Variants in BCAS3 observed in about 807,000 individuals in gnomAD.
BCAS3 encodes BCAS4/BCAS3 fusion.
BCAS3 carries 53 observed loss-of-function variants against 116.1 expected under a neutral mutation model. The ratio of observed to expected loss-of-function variants is 0.46; its 90% CI spans 0.37 to 0.57. The LOEUF (loss-of-function observed/expected upper bound fraction) is 0.57. BCAS3 is among the 20% of genes least tolerant of loss of function. BCAS3 has a pLI of 0.00. For missense variants in BCAS3, 917 were observed against 1,165.4 expected (o/e 0.79, Z 3.10); for synonymous variants, 391 against 408.2 (o/e 0.96, Z 0.51).
chr17:60,732,980 A>G (rs1263872223), intron 5 of BCAS3, among the ~76,000 whole-genome samples: 1 of 152,204 alleles, frequency 6.6e-6, no homozygotes, highest in African/African-American at 2.4e-5. Flanking sequence ...CATTATGCTA[A>G]ATAACATTAA....
At chr17:60,920,712 C>T (rs1273220885) in intron 12 of BCAS3, among the ~76,000 whole-genome samples, 1 of 151,928 alleles carries the variant, frequency 6.6e-6, no homozygotes, top group Non-Finnish European at 1.5e-5. Context: ...CTACTAAAAA[C>T]ACAAAAAATT....
rs1362856944 is a variant in BCAS3, at chr17:61,068,688, T to C, written c.2030-6232T>C. ...TTGAAGACATAAGTTTTCACCGCCATTGGTCCCTAAAACTTCTTCTGGGAT... is the reference window on the plus strand; with the variant it reads ...TTGAAGACATAAGTTTTCACCGCCACTGGTCCCTAAAACTTCTTCTGGGAT... On this transcript the variant is annotated intron_variant, in intron 19 of 23. Transcript: ENST00000407086. This position sits in a 1 kb window ranked among gnomAD's most constrained non-coding sequence, Gnocchi z 4.3. Among the ~76,000 whole-genome samples, 1 of 152,190 alleles carries C rather than the reference T, an allele frequency of 6.6e-6. No individual in the cohort carries two copies. Among genetic ancestry groups the C allele is most frequent in the East Asian group, 1.9e-4 (1 of 5,198 alleles).
At chr17:60,835,930 G>A (rs996659169) in intron 7 of BCAS3, among the ~76,000 whole-genome samples, 13 of 152,042 alleles carry the variant, frequency 8.6e-5, no homozygotes, top group Non-Finnish European at 1.6e-4. Context: ...TATGTCTCCT[G>A]AATTTCTCAT....
chr17:61,238,900 G>C (rs1354722587), intron 22 of BCAS3, among the ~76,000 whole-genome samples: 1 of 152,096 alleles, frequency 6.6e-6, no homozygotes, highest in Non-Finnish European at 1.5e-5. Flanking sequence ...TCAGGGCCCT[G>C]AGGCTAACCT....
chr17:60,785,926 T>C (rs1259725414), intron 6 of BCAS3, among the ~76,000 whole-genome samples: 1 of 152,142 alleles, frequency 6.6e-6, no homozygotes, highest in Non-Finnish European at 1.5e-5. Flanking sequence ...GTAATAACCA[T>C]TTACATAGCA....
rs2058736245 is a variant in BCAS3 at position 61,366,414 on chromosome 17, G to A, written c.2426-1913G>A. On this transcript the variant is annotated intron_variant, in intron 22 of 23. Coordinates refer to ENST00000407086, the MANE Select transcript of BCAS3 (RefSeq NM_017679.5). The surrounding 1 kb of genome is among the most constrained non-coding windows in gnomAD (Gnocchi z 4.5). ...AAGGACTGGCTGTGCATCATGCAGT[G>A]AGTCGGCAGCAGAATCAGAAGCTTA... Among the ~76,000 whole-genome samples the A allele has an allele frequency of 6.6e-6, 1 of 152,238 alleles. No individual in the cohort carries two copies. The highest frequency in any genetic ancestry group is 1.5e-5 in the Non-Finnish European group (1 of 68,036).
chr17:60,689,775 T>A lies in BCAS3; in HGVS notation c.214+14T>A. On this transcript the variant is annotated intron_variant, in intron 4 of 23. Coordinates refer to ENST00000407086, the MANE Select transcript of BCAS3 (RefSeq NM_017679.5). ...CAGATTTAAATGGTATGGTTTTAACTTTTTTTGGGACGTGTGAATTAATTG... is the reference window on the plus strand; with the variant it reads ...CAGATTTAAATGGTATGGTTTTAACATTTTTTGGGACGTGTGAATTAATTG... 2 of 1,546,076 alleles carry A rather than the reference T, an allele frequency of 1.3e-6. No homozygotes were observed. Among genetic ancestry groups the A allele is most frequent in the South Asian group, 1.1e-5 (1 of 87,958 alleles).
intron 19 of BCAS3, among the ~76,000 whole-genome samples, chr17:61,074,015 G>A (rs1372077667): frequency 6.6e-6 from 1 of 150,744 alleles, no homozygotes; most frequent in Non-Finnish European, 1.5e-5. Context: ...AGACTGAGGT[G>A]AGAAGATGGT....
At chr17:61,338,440 A>T (rs989205619) in intron 22 of BCAS3, among the ~76,000 whole-genome samples, 4 of 142,830 alleles carry the variant, frequency 2.8e-5, no homozygotes, top group Non-Finnish European at 6.2e-5. Context: ...GGGTTCTGTG[A>T]ACTTCTCTGC....
rs114005681 is a variant in BCAS3 at position 61,167,140 on chromosome 17, C to G, written c.2425+82576C>G. 1.6e-3 allele frequency among the ~76,000 whole-genome samples: 240 copies of G among 152,220 alleles called. 1 individual carries two copies. Among genetic ancestry groups the G allele is most frequent in the African/African-American group, 5.2e-3 (217 of 41,570 alleles). ...TTTAGCAGTGTGGGAGGTGAGAAAA[C>G]TTTTCCTTTCCTAATTCAAGGAGCC... On this transcript the variant is annotated intron_variant, in intron 22 of 23. Transcript: ENST00000407086.
chr17:60,921,289 A>C (rs1317475577), intron 12 of BCAS3, among the ~76,000 whole-genome samples: 2 of 152,158 alleles, frequency 1.3e-5, no homozygotes, highest in African/African-American at 4.8e-5. Context: ...CCAAAACCTT[A>C]AGCAAATCAA....
chr17:61,170,482 T>A (rs1224847803), intron 22 of BCAS3, among the ~76,000 whole-genome samples: 1 of 151,718 alleles, frequency 6.6e-6, no homozygotes, highest in Non-Finnish European at 1.5e-5. Context: ...TTAGTAGAGA[T>A]GAGGTTTCAC....
At position 61,083,120 on chromosome 17, in the gene BCAS3, T is replaced by C. The variant is rs1352293625; in HGVS notation, c.2328-1347T>C. ...TTTCTATATGTTGTAGTCCTGTGCT[T>C]AAAGGGCATTTCTTGCTCCTCTTCA... On this transcript the variant is annotated intron_variant, in intron 21 of 23. Transcript: ENST00000407086. This position sits in a 1 kb window ranked among gnomAD's most constrained non-coding sequence, Gnocchi z 4.9. 6.6e-6 allele frequency among the ~76,000 whole-genome samples: 1 copy of C among 152,208 alleles called. No homozygotes were observed. The highest frequency in any genetic ancestry group is 6.5e-5 in the Admixed American group (1 of 15,282).
At chr17:60,972,555 C>T (rs1474583454) in intron 14 of BCAS3, among the ~76,000 whole-genome samples, 2 of 148,684 alleles carry the variant, frequency 1.3e-5, no homozygotes, top group East Asian at 2.0e-4. Context: ...CTCAAGAGAT[C>T]CTCCACCTCA....
intron 7 of BCAS3, among the ~76,000 whole-genome samples, chr17:60,858,053 T>G (rs1295506383): frequency 1.3e-5 from 2 of 152,110 alleles, no homozygotes; most frequent in African/African-American, 2.4e-5. Flanking sequence ...GACAGGCTGC[T>G]TTTTTCCCCT....
chr17:61,264,074 T>C (rs980212637), intron 22 of BCAS3, among the ~76,000 whole-genome samples: 2 of 152,128 alleles, frequency 1.3e-5, no homozygotes, highest in African/African-American at 4.8e-5. Context: ...TCCCTGTCTG[T>C]AAAATGGGGT....
chr17:61,230,456 C>T (rs1469847702), intron 22 of BCAS3, among the ~76,000 whole-genome samples: 1 of 152,072 alleles, frequency 6.6e-6, no homozygotes, highest in East Asian at 1.9e-4. Flanking sequence ...TGCCCTGTCT[C>T]TCCCTCCCCC....
In BCAS3 at chr17:61,315,264, AC is replaced by A. The variant is rs1447874194; in HGVS notation, c.2426-53061del. Among the ~76,000 whole-genome samples the A allele has an allele frequency of 3.3e-5, 5 of 151,898 alleles. No individual in the cohort carries two copies. The highest frequency in any genetic ancestry group is 4.8e-5 in the African/African-American group (2 of 41,364). On this transcript the variant is annotated intron_variant, in intron 22 of 23. Coordinates refer to ENST00000407086, the MANE Select transcript of BCAS3 (RefSeq NM_017679.5). This position sits in a 1 kb window ranked among gnomAD's most constrained non-coding sequence, Gnocchi z 5.3. ...CAAGTAGCTGGGATTATAGGCGCCCACCACCACACCCGGCTAATTTTTGTAT... is the reference window on the plus strand; with the variant it reads ...CAAGTAGCTGGGATTATAGGCGCCCACACCACACCCGGCTAATTTTTGTAT...
intron 4 of BCAS3, among the ~76,000 whole-genome samples, chr17:60,703,211 G>A (rs2036648723): frequency 6.6e-6 from 1 of 151,820 alleles, no homozygotes; most frequent in Non-Finnish European, 1.5e-5. Flanking sequence ...GGAGGTGGAG[G>A]TTGCAGTGAG....
Sources: gnomAD v4.1 joint callset for allele counts (sites outside exome capture counted in the v4.1 genomes callset) on GRCh38, gnomAD v4.1.1 for gene constraint, Gnocchi (gnomAD v3.1) non-coding constraint, MANE v1.5 for transcripts, NCBI Gene and HGNC (gene_info 2026-07-23, HGNC 2026-07-21) for gene names.